Variants in ZNF280C observed in about 807,000 individuals in gnomAD.
ZNF280C encodes suppressor of hairy wing homolog 3.
Under a neutral mutation model 53.6 loss-of-function variants are expected in ZNF280C, and 14 were observed. The ratio of observed to expected loss-of-function variants is 0.26; its 90% CI spans 0.17 to 0.41. The LOEUF is 0.41. Ranked by LOEUF, ZNF280C falls within the 10% of genes least tolerant of loss-of-function variation. ZNF280C has a pLI of 1.00. For missense variants in ZNF280C, 416 were observed against 547.1 expected, an observed-to-expected ratio of 0.76 and a Z score of 2.39; for synonymous variants, 203 against 181.1, an observed-to-expected ratio of 1.12 and a Z score of -0.97.
At chrX:130,228,483 A>G (rs1001697138) in intron 10 of ZNF280C, among the ~76,000 whole-genome samples, 2 of 109,859 alleles carry the variant, frequency 1.8e-5, no homozygotes, top group South Asian at 7.7e-4. Flanking sequence ...GGGTTTCTCC[A>G]TGTTAGTCAG....
chrX:130,239,975 C>G (rs1398837260), intron 5 of ZNF280C, among the ~76,000 whole-genome samples: 1 of 111,171 alleles, frequency 9.0e-6, no homozygotes, highest in African/African-American at 3.3e-5. Context: ...TTTGGAACAA[C>G]TTTTCTGCAA....
intron 1 of ZNF280C, among the ~76,000 whole-genome samples, chrX:130,261,334 T>G (rs2124717820): frequency 8.9e-6 from 1 of 112,462 alleles, no homozygotes; most frequent in Admixed American, 9.5e-5. Context: ...CAGAATAAAC[T>G]TTTAAAATAC....
intron 2 of ZNF280C, among the ~76,000 whole-genome samples, chrX:130,256,299 G>A (rs758662600): frequency 2.7e-5 from 3 of 111,703 alleles, no homozygotes; most frequent in Admixed American, 9.5e-5. Flanking sequence ...GAAAGTCCCA[G>A]GACAAGAGCT....
chrX:130,218,383 A>AG (rs775134325), intron 13 of ZNF280C, among the ~76,000 whole-genome samples: 1 of 112,002 alleles, frequency 8.9e-6, no homozygotes, highest in South Asian at 3.7e-4. Context: ...TTCATCACAC[A>AG]GCATGGTGGT....
chrX:130,216,988 A>G (rs189161445), intron 13 of ZNF280C, among the ~76,000 whole-genome samples: 9 of 111,814 alleles, frequency 8.0e-5, no homozygotes, highest in African/African-American at 2.6e-4. Flanking sequence ...CAACACGGCA[A>G]GACTCCGTCT....
rs1419112068 is a variant in ZNF280C at position 130,205,339 on chromosome X, T to G, written c.2119A>C (p.Ser707Arg). The change falls in exon 17 of 19, where the codon AGT becomes CGT. Residue 707 changes from serine to arginine, a missense_variant. Coordinates refer to ENST00000370978, the MANE Select transcript of ZNF280C (RefSeq NM_017666.5). ...TGGCAAGTATGAGTTTTACGTTGAC[T>G]TAAGTGTTTAGCCATACGATCTAAG... Reference protein sequence around the residue: ...SGLDRMAKHLSQRKTHTCQVI... With the variant: ...SGLDRMAKHLRQRKTHTCQVI... The G allele has an allele frequency of 8.3e-7, 1 of 1,209,571 alleles. No individual in the cohort carries two copies. The highest frequency in any genetic ancestry group is 2.2e-5 in the Admixed American group (1 of 45,873).
At chrX:130,220,815 C>T (rs984759645) in intron 12 of ZNF280C, among the ~76,000 whole-genome samples, 1 of 111,280 alleles carries the variant, frequency 9.0e-6, no homozygotes, top group African/African-American at 3.3e-5. Flanking sequence ...AACCTAGCCC[C>T]ATTATTATTT....
chrX:130,250,016 A>G (rs1237479882), intron 2 of ZNF280C, among the ~76,000 whole-genome samples: 6 of 112,206 alleles, frequency 5.3e-5, no homozygotes, highest in African/African-American at 9.7e-5. Context: ...AAATGCAATC[A>G]TAAGTATTAA....
rs188173444 is a variant in ZNF280C at position 130,255,713 on chromosome X, C to T, written c.31+4706G>A. Among the ~76,000 whole-genome samples, 958 of 111,408 alleles carry T rather than the reference C, an allele frequency of 8.6e-3. 13 individuals carry two copies. Among genetic ancestry groups the T allele is most frequent in the African/African-American group, 0.029 (888 of 30,703 alleles). On this transcript the variant is annotated intron_variant, in intron 2 of 18. Transcript: ENST00000370978. ...CCCAGGCCTGTAATCCCAGCACTTT[C>T]GGAGGCCAAGGCAGGTGGATCACTT...
At chrX:130,218,403 G>T (rs2032127088) in intron 13 of ZNF280C, among the ~76,000 whole-genome samples, 1 of 111,384 alleles carries the variant, frequency 9.0e-6, no homozygotes, top group Admixed American at 9.5e-5. Context: ...TTATAATAAT[G>T]CTCAGAATTT....
At chrX:130,205,788 C>T (rs951311585) in intron 16 of ZNF280C, among the ~76,000 whole-genome samples, 5 of 106,833 alleles carry the variant, frequency 4.7e-5, no homozygotes, top group African/African-American at 1.7e-4. Context: ...ACTTGGGAGG[C>T]TGAGACAGGA....
In ZNF280C at chrX:130,255,798, T is replaced by C. The variant is rs1262260146; in HGVS notation, c.31+4621A>G. 6.3e-5 allele frequency among the ~76,000 whole-genome samples: 7 copies of C among 111,163 alleles called. No homozygotes were observed. In the South Asian group the frequency reaches 1.5e-3, roughly 24 times the overall value. On this transcript the variant is annotated intron_variant, in intron 2 of 18. Transcript: ENST00000370978. ...GGTGAGACGCTGTCCCTACTAAAAA[T>C]ACAAAGATTAGCTGGGCATGGTGGT...
intron 11 of ZNF280C, among the ~76,000 whole-genome samples, chrX:130,227,464 G>A (rs1399866708): frequency 1.6e-4 from 18 of 111,216 alleles, no homozygotes; most frequent in Non-Finnish European, 5.7e-5. Context: ...TAGCACAGAG[G>A]TCAGCAAACT....
intron 8 of ZNF280C, among the ~76,000 whole-genome samples, chrX:130,234,816 A>T (rs2032314799): frequency 8.9e-6 from 1 of 111,984 alleles, no homozygotes; most frequent in African/African-American, 3.2e-5. Context: ...TAGTACTGTG[A>T]AAATTACCTA....
In ZNF280C at chrX:130,243,831, T is replaced by C; in HGVS notation, c.213A>G (p.Ser71=). 8.5e-7 allele frequency: 1 copy of C among 1,183,244 alleles called. No individual in the cohort carries two copies. Among genetic ancestry groups the C allele is most frequent in the Non-Finnish European group, 1.1e-6 (1 of 880,230 alleles). The part of the protein sequence containing the change: ...ILNRGHSSSS[S]KGIKSEPHSP... ...TGTGTGGCTCACTCTTTATTCCTTTTGAAGATGAGCTGGAGTGGCCTCTGT... is the reference window on the plus strand; with the variant it reads ...TGTGTGGCTCACTCTTTATTCCTTTCGAAGATGAGCTGGAGTGGCCTCTGT... The change falls in exon 4 of 19, where the codon TCA becomes TCG. Residue 71 remains serine, a synonymous_variant. Coordinates refer to ENST00000370978, the MANE Select transcript of ZNF280C (RefSeq NM_017666.5).
Position 130,230,514 on chromosome X carries a change from T to C in ZNF280C, c.985A>G (p.Ile329Val), listed in dbSNP as rs764456468. 7.7e-6 allele frequency: 9 copies of C among 1,175,405 alleles called. No individual in the cohort carries two copies. Among genetic ancestry groups the C allele is most frequent in the Non-Finnish European group, 2.3e-6 (2 of 868,579 alleles). The change falls in exon 9 of 19, where the codon ATT becomes GTT. Residue 329 changes from isoleucine to valine, a missense_variant. This residue lies in a region of ZNF280C where 72 missense variants were observed against 168.8 expected (regional missense o/e 0.43). Coordinates refer to ENST00000370978, the MANE Select transcript of ZNF280C (RefSeq NM_017666.5). ...FSCSKVLKNNIRFMNHMKHHL... is the reference protein window; with the variant it reads ...FSCSKVLKNNVRFMNHMKHHL... ...TAAAAATAAATATTTACATACCTAA[T>C]ATTATTTTTAAGAACTTTCGAGCAA...
At chrX:130,262,432 T>C (rs1213258369) in intron 1 of ZNF280C, among the ~76,000 whole-genome samples, 2 of 112,115 alleles carry the variant, frequency 1.8e-5, no homozygotes, top group African/African-American at 6.5e-5. Flanking sequence ...AATAAACAAA[T>C]ACATACAACT....
rs2032336236 is a variant in ZNF280C, at chrX:130,236,525, G to A, written c.608C>T (p.Ser203Leu). ...TGGAGGAGAGCCAATTAAAGGCAAT[G>A]AAGTGGAGGGATTTATCTGAGGAAC... ...EDVPQINPST[S>L]LPLIGSPPVT... is the part of the protein sequence containing the mutation. Residue 203 changes from serine to leucine, a missense_variant, in exon 7 of 19, where the codon TCA becomes TTA. Coordinates refer to ENST00000370978, the MANE Select transcript of ZNF280C (RefSeq NM_017666.5). 8.3e-7 allele frequency: 1 copy of A among 1,205,797 alleles called. No homozygotes were observed.
intron 12 of ZNF280C, among the ~76,000 whole-genome samples, chrX:130,225,196 T>C (rs1420685366): frequency 1.8e-5 from 2 of 111,116 alleles, no homozygotes; most frequent in Non-Finnish European, 3.8e-5. Flanking sequence ...TACATCTATA[T>C]CACTCTGGAG....
Sources: gnomAD v4.1 joint callset for allele counts (sites outside exome capture counted in the v4.1 genomes callset) on GRCh38, gnomAD v4.1.1 for gene constraint, gnomAD v4.1.1 regional missense constraint, MANE v1.5 for transcripts, NCBI Gene and HGNC (gene_info 2026-07-23, HGNC 2026-07-21) for gene names.